The following PRKN variants were observed in gnomAD, a reference collection of about 807,000 sequenced individuals.
The protein encoded by PRKN is E3 ubiquitin-protein ligase parkin.
Under a neutral mutation model 59.5 loss-of-function variants are expected in PRKN, and 56 were observed. The ratio of observed to expected loss-of-function variants is 0.94; its 90% confidence interval spans 0.76 to 1.18. The LOEUF (loss-of-function observed/expected upper bound fraction) is 1.18. PRKN is among the 50% of genes most tolerant of loss of function. The pLI is 0.00. For missense variants in PRKN, 657 were observed against 596.4 expected, an observed-to-expected ratio of 1.10 and a Z score of -1.06; for synonymous variants, 250 against 222.1, an observed-to-expected ratio of 1.13 and a Z score of -1.12.
chr6:162,045,619 A>C (rs1188877768), intron 5 of PRKN, among the ~76,000 whole-genome samples: 1 of 152,254 alleles, frequency 6.6e-6, no homozygotes, highest in East Asian at 1.9e-4. Flanking sequence ...CTTAAAAACT[A>C]AATTTTACTG....
intron 7 of PRKN, among the ~76,000 whole-genome samples, chr6:161,741,673 A>G (rs112685633): frequency 0.026 from 3,918 of 152,064 alleles, 181 homozygotes; most frequent in African/African-American, 0.09. Flanking sequence ...GTCTGGGGTG[A>G]TCCTCTGTTG....
At chr6:162,486,390 T>C (rs887107522) in intron 1 of PRKN, among the ~76,000 whole-genome samples, 1 of 152,226 alleles carries the variant, frequency 6.6e-6, no homozygotes, top group Non-Finnish European at 1.5e-5. Flanking sequence ...ACCACATTTT[T>C]TTCTTTTGGT....
At chr6:162,390,396 T>TACACACACACACAC (rs1554312764) in intron 2 of PRKN, among the ~76,000 whole-genome samples, 2 of 84,120 alleles carry the variant, frequency 2.4e-5, no homozygotes, top group African/African-American at 4.5e-5. Flanking sequence ...TATATATATA[T>TACACACACACACAC]ACACACACAC....
chr6:161,392,606 A>G (rs1786564386), intron 9 of PRKN, among the ~76,000 whole-genome samples: 1 of 151,766 alleles, frequency 6.6e-6, no homozygotes, highest in Admixed American at 6.6e-5. Flanking sequence ...ACCAGGAGAA[A>G]GTTCACCACT....
intron 4 of PRKN, among the ~76,000 whole-genome samples, chr6:162,143,333 T>C (rs1781869158): frequency 6.6e-6 from 1 of 152,200 alleles, no homozygotes; most frequent in African/African-American, 2.4e-5. Flanking sequence ...CAATTCTCCT[T>C]TCTTCTTCTT....
At chr6:162,046,808 T>C (rs1372164649) in intron 5 of PRKN, among the ~76,000 whole-genome samples, 2 of 152,170 alleles carry the variant, frequency 1.3e-5, no homozygotes, top group East Asian at 3.8e-4. Flanking sequence ...GGGAAACTAA[T>C]GCGTTTTCAT....
intron 2 of PRKN, among the ~76,000 whole-genome samples, chr6:162,293,512 G>A (rs529655970): frequency 1.3e-5 from 2 of 152,218 alleles, no homozygotes; most frequent in Non-Finnish European, 2.9e-5. Context: ...CAGCGGAGAG[G>A]GAGTGGGTGA....
At chr6:162,235,997 G>GAAAGAA (rs1778686946) in intron 3 of PRKN, among the ~76,000 whole-genome samples, 1 of 136,808 alleles carries the variant, frequency 7.3e-6, no homozygotes. Flanking sequence ...AAGAAAGAAA[G>GAAAGAA]AAAGAAAGAA....
At chr6:162,309,754 G>C (rs778130529) in intron 2 of PRKN, among the ~76,000 whole-genome samples, 1 of 152,092 alleles carries the variant, frequency 6.6e-6, no homozygotes, top group Non-Finnish European at 1.5e-5. Flanking sequence ...GTGCATGTTA[G>C]TTACATAAGT....
At chr6:161,979,355 C>T (rs895454142) in intron 5 of PRKN, among the ~76,000 whole-genome samples, 1 of 152,184 alleles carries the variant, frequency 6.6e-6, no homozygotes, top group African/African-American at 2.4e-5. Context: ...TTACTGCAAC[C>T]TACGCCTCCC....
At chr6:162,099,681 T>C (rs1408796218) in intron 4 of PRKN, among the ~76,000 whole-genome samples, 1 of 152,246 alleles carries the variant, frequency 6.6e-6, no homozygotes, top group Non-Finnish European at 1.5e-5. Context: ...CTATTTATTG[T>C]ATATAATGTT....
chr6:162,612,617 A>C, intron 1 of PRKN, among the ~76,000 whole-genome samples: 1 of 129,696 alleles, frequency 7.7e-6, no homozygotes, highest in East Asian at 2.4e-4. Flanking sequence ...AAAAAAAAAA[A>C]ACAGCAAAAA....
chr6:162,522,750 A>G (rs764520730), intron 1 of PRKN, among the ~76,000 whole-genome samples: 1 of 152,014 alleles, frequency 6.6e-6, no homozygotes, highest in Non-Finnish European at 1.5e-5. Flanking sequence ...TCTGTTACAC[A>G]ATAAATAGTC....
chr6:162,193,282 A>C (rs961276461), intron 4 of PRKN, among the ~76,000 whole-genome samples: 1 of 152,224 alleles, frequency 6.6e-6, no homozygotes, highest in African/African-American at 2.4e-5. Context: ...CATTTCTGTG[A>C]TACAGAAGAG....
At chr6:162,668,910 G>A (rs1306617387) in intron 1 of PRKN, among the ~76,000 whole-genome samples, 1 of 152,130 alleles carries the variant, frequency 6.6e-6, no homozygotes, top group African/African-American at 2.4e-5. Context: ...TGATGGTGGT[G>A]GCCCTGGTGG....
chr6:162,610,235 T>G (rs1469055780), intron 1 of PRKN, among the ~76,000 whole-genome samples: 1 of 152,168 alleles, frequency 6.6e-6, no homozygotes, highest in Admixed American at 6.5e-5. Context: ...AGAGAGGGTA[T>G]GTAAATCATC....
chr6:162,469,362 GTGACA>G (rs1791603904), intron 1 of PRKN, among the ~76,000 whole-genome samples: 1 of 92,542 alleles, frequency 1.1e-5, no homozygotes, highest in African/African-American at 3.5e-5. Context: ...GGGGGGGTGG[GTGACA>G]GAGGAAGTCA....
rs201381080 is a variant in PRKN at position 161,414,405 on chromosome 6, G to C, written c.1084-27528C>G. Among the ~76,000 whole-genome samples the C allele has an allele frequency of 4.6e-5, 7 of 152,340 alleles. No individual in the cohort carries two copies. In the East Asian group the frequency reaches 1.4e-3, roughly 29 times the overall value. Reference sequence around the variant, plus strand: ...AGGCCCCAGGCAAAGGTTTCTGCCTGAGACAGTCCTTGGCCTCCAGCCACG... The same window carrying C: ...AGGCCCCAGGCAAAGGTTTCTGCCTCAGACAGTCCTTGGCCTCCAGCCACG... On this transcript the variant is annotated intron_variant, in intron 9 of 11. Coordinates refer to ENST00000366898, the MANE Select transcript of PRKN (RefSeq NM_004562.3). This position sits in a 1 kb window ranked among gnomAD's most constrained non-coding sequence, Gnocchi z 5.3.
intron 6 of PRKN, among the ~76,000 whole-genome samples, chr6:161,833,514 T>C (rs7738279): frequency 0.13 from 19,682 of 152,176 alleles, 1,325 homozygotes; most frequent in African/African-American, 0.15. Context: ...CATTTTTTTT[T>C]CCCTGGGCTG....
Sources: gnomAD v4.1 joint callset for allele counts (sites outside exome capture counted in the v4.1 genomes callset) on GRCh38, gnomAD v4.1.1 for gene constraint, Gnocchi (gnomAD v3.1) non-coding constraint, MANE v1.5 for transcripts, NCBI Gene and HGNC (gene_info 2026-07-23, HGNC 2026-07-21) for gene names.